Variants in ZNF385D observed in about 807,000 individuals in gnomAD.
The protein encoded by ZNF385D is zinc finger protein 385D, also known as zinc finger protein 659.
ZNF385D carries 15 observed loss-of-function variants against 35.8 expected under a neutral mutation model. The ratio of observed to expected loss-of-function variants is 0.42; its 90% CI spans 0.28 to 0.64. The LOEUF (loss-of-function observed/expected upper bound fraction) is 0.64. Among genes scored for constraint, ZNF385D ranks in the 30% least tolerant of loss-of-function variants. ZNF385D has a pLI of 0.23. For missense variants in ZNF385D, 474 were observed against 494.6 expected, an observed-to-expected ratio of 0.96 and a Z score of 0.39; for synonymous variants, 212 against 186.8, an observed-to-expected ratio of 1.13 and a Z score of -1.10.
intron 3 of ZNF385D, among the ~76,000 whole-genome samples, chr3:21,981,399 C>G (rs1694440960): frequency 6.6e-6 from 1 of 152,060 alleles, no homozygotes; most frequent in African/African-American, 2.4e-5. Flanking sequence ...TGACTGAACA[C>G]TTTTAAATGA....
intron 2 of ZNF385D, among the ~76,000 whole-genome samples, chr3:22,344,134 T>C (rs1695544944): frequency 1.3e-5 from 2 of 150,982 alleles, no homozygotes; most frequent in South Asian, 4.2e-4. Flanking sequence ...TGGCCTCTTG[T>C]GTTTTGAAGA....
intron 3 of ZNF385D, among the ~76,000 whole-genome samples, chr3:21,828,609 G>T (rs376579254): frequency 1.3e-5 from 2 of 152,164 alleles, no homozygotes; most frequent in African/African-American, 2.4e-5. Flanking sequence ...TGTCAGGCAG[G>T]TATGGATAGT....
At chr3:22,044,203 A>G (rs1215657282) in intron 3 of ZNF385D, among the ~76,000 whole-genome samples, 1 of 151,938 alleles carries the variant, frequency 6.6e-6, no homozygotes, top group Non-Finnish European at 1.5e-5. Context: ...ATGAATTGGC[A>G]CCAGTGAGGG....
chr3:21,801,799 G>A (rs1008502241), intron 3 of ZNF385D, among the ~76,000 whole-genome samples: 1 of 152,092 alleles, frequency 6.6e-6, no homozygotes, highest in African/African-American at 2.4e-5. Context: ...TATATTTAGA[G>A]TGCCCGTCCT....
chr3:21,870,299 G>A (rs909572662), intron 3 of ZNF385D, among the ~76,000 whole-genome samples: 2 of 152,146 alleles, frequency 1.3e-5, no homozygotes, highest in African/African-American at 4.8e-5. Context: ...CAGAGATTGA[G>A]CAGTTGTTCC....
chr3:21,818,279 T>C (rs1037818029), intron 3 of ZNF385D, among the ~76,000 whole-genome samples: 4 of 152,190 alleles, frequency 2.6e-5, no homozygotes, highest in Admixed American at 6.5e-5. Context: ...TGTATACATA[T>C]GTAACAAACA....
chr3:21,434,877 C>T (rs927947673), intron 5 of ZNF385D, among the ~76,000 whole-genome samples: 1 of 151,988 alleles, frequency 6.6e-6, no homozygotes, highest in Non-Finnish European at 1.5e-5. Flanking sequence ...TTCTTTCCAC[C>T]GATTAGGCCT....
intron 2 of ZNF385D, among the ~76,000 whole-genome samples, chr3:22,257,939 C>G (rs1243974161): frequency 1.3e-5 from 2 of 151,830 alleles, no homozygotes; most frequent in African/African-American, 4.8e-5. Context: ...TATATTTAAT[C>G]TTACAATCTC....
chr3:21,578,765 G>A (rs1430247448), intron 2 of ZNF385D, among the ~76,000 whole-genome samples: 6 of 152,144 alleles, frequency 3.9e-5, no homozygotes, highest in Admixed American at 3.9e-4. Flanking sequence ...GTCAGGTAGT[G>A]TAACGCCTCC....
intron 1 of ZNF385D, among the ~76,000 whole-genome samples, chr3:21,727,056 A>G (rs1277788739): frequency 1.3e-5 from 2 of 152,316 alleles, no homozygotes; most frequent in East Asian, 1.9e-4. Context: ...AACTTGACAC[A>G]AAGAAGCAAT....
intron 5 of ZNF385D, among the ~76,000 whole-genome samples, chr3:21,427,713 G>A (rs916530655): frequency 2.6e-4 from 39 of 152,144 alleles, no homozygotes; most frequent in African/African-American, 9.2e-4. Flanking sequence ...ATGTTTTTTA[G>A]AGGAAGAATA....
At chr3:22,311,595 C>T (rs553423702) in intron 2 of ZNF385D, among the ~76,000 whole-genome samples, 31 of 152,030 alleles carry the variant, frequency 2.0e-4, no homozygotes, top group African/African-American at 6.0e-4. Context: ...TATTTCTAAA[C>T]GTAAAGATGT....
intron 4 of ZNF385D, among the ~76,000 whole-genome samples, chr3:21,463,402 A>T (rs1703309932): frequency 6.6e-6 from 1 of 152,204 alleles, no homozygotes; most frequent in African/African-American, 2.4e-5. Context: ...AAAACTACTA[A>T]TTACTTAAAC....
At chr3:22,143,658 ACT>A (rs1364601045) in intron 3 of ZNF385D, among the ~76,000 whole-genome samples, 3 of 152,190 alleles carry the variant, frequency 2.0e-5, no homozygotes, top group African/African-American at 7.2e-5. Context: ...AAACTTTCAC[ACT>A]GTTACCAACA....
rs1197324143 is a variant in ZNF385D, at chr3:21,436,918, A to G, written c.673+52T>C. The G allele has an allele frequency of 1.9e-6, 3 of 1,539,960 alleles. No individual in the cohort carries two copies. The African/African-American group carries it at 4.1e-5, about 21-fold the overall frequency. On this transcript the variant is annotated intron_variant, in intron 5 of 7. Coordinates refer to ENST00000281523, the MANE Select transcript of ZNF385D (RefSeq NM_024697.3). ...GCTGCAAAAGATCTAATCTATTCAGAGGAAGATAATTGCAGAGCTGTTGAA... is the reference window on the plus strand; with the variant it reads ...GCTGCAAAAGATCTAATCTATTCAGGGGAAGATAATTGCAGAGCTGTTGAA...
chr3:21,902,823 G>A (rs1252002412), intron 3 of ZNF385D, among the ~76,000 whole-genome samples: 1 of 152,092 alleles, frequency 6.6e-6, no homozygotes, highest in Non-Finnish European at 1.5e-5. Flanking sequence ...TTGTGTACAT[G>A]TACCCTAAAA....
intron 1 of ZNF385D, among the ~76,000 whole-genome samples, chr3:21,739,097 C>T (rs925468439): frequency 6.6e-6 from 1 of 152,234 alleles, no homozygotes; most frequent in African/African-American, 2.4e-5. Context: ...AGGGAATCGG[C>T]TTTCCTGGGT....
intron 3 of ZNF385D, among the ~76,000 whole-genome samples, chr3:22,142,685 G>A (rs971203263): frequency 1.3e-5 from 2 of 152,038 alleles, no homozygotes; most frequent in African/African-American, 2.4e-5. Context: ...AACAGCCTCA[G>A]CAGGTGATGA....
At chr3:22,034,680 G>A (rs1050747343) in intron 3 of ZNF385D, among the ~76,000 whole-genome samples, 1 of 152,144 alleles carries the variant, frequency 6.6e-6, no homozygotes, top group East Asian at 1.9e-4. Context: ...ATACAATCCA[G>A]TTTTCTTACA....
Sources: gnomAD v4.1 joint callset for allele counts (sites outside exome capture counted in the v4.1 genomes callset) on GRCh38, gnomAD v4.1.1 for gene constraint, MANE v1.5 for transcripts, NCBI Gene and HGNC (gene_info 2026-07-23, HGNC 2026-07-21) for gene names.